Variants in TBCK observed in about 807,000 individuals in gnomAD.
The protein encoded by TBCK is TBC domain-containing protein kinase-like protein.
A neutral mutation model predicts 113.4 loss-of-function variants in TBCK; 99 were observed. The observed-to-expected ratio is 0.87, with a 90% CI of 0.74 to 1.03. TBCK has a LOEUF of 1.03. Among genes scored for constraint, TBCK ranks in the 50% least tolerant of loss-of-function variants. The pLI is 0.00. For missense variants in TBCK, 1,045 were observed against 1,061.3 expected, an observed-to-expected ratio of 0.98 and a Z score of 0.21; for synonymous variants, 369 against 370.8, an observed-to-expected ratio of 1.00 and a Z score of 0.05.
chr4:106,304,005 T>C (rs2125878856), intron 2 of TBCK, among the ~76,000 whole-genome samples: 1 of 152,266 alleles, frequency 6.6e-6, no homozygotes, highest in East Asian at 1.9e-4. Flanking sequence ...TTAATGCACA[T>C]ACACACGGTT....
intron 23 of TBCK, among the ~76,000 whole-genome samples, chr4:106,119,032 T>C (rs1166765655): frequency 1.3e-5 from 2 of 152,158 alleles, no homozygotes; most frequent in African/African-American, 4.8e-5. Context: ...ATGAAGAAAA[T>C]AATTACAATA....
At chr4:106,316,418 G>C (rs1435512679), upstream of TBCK, 8 of 899,076 alleles carry the variant, frequency 8.9e-6, no homozygotes, top group Non-Finnish European at 1.1e-5. Context: ...GGTATGGCAG[G>C]TTAATGGGAC....
intron 3 of TBCK, among the ~76,000 whole-genome samples, chr4:106,287,729 C>A (rs536652827): frequency 6.6e-6 from 1 of 152,300 alleles, no homozygotes; most frequent in East Asian, 1.9e-4. Flanking sequence ...CTCTTGTCAA[C>A]AACTAGCACC....
intron 25 of TBCK, among the ~76,000 whole-genome samples, chr4:106,091,035 G>A (rs1037224314): frequency 6.6e-6 from 1 of 152,004 alleles, no homozygotes; most frequent in African/African-American, 2.4e-5. Context: ...CCCCACTCCT[G>A]GTACCAATTA....
intron 23 of TBCK, among the ~76,000 whole-genome samples, chr4:106,122,430 G>A (rs1277461819): frequency 1.3e-5 from 2 of 152,172 alleles, no homozygotes; most frequent in Non-Finnish European, 2.9e-5. Flanking sequence ...ATTCACAGTT[G>A]AATTCTACCA....
intron 20 of TBCK, among the ~76,000 whole-genome samples, chr4:106,209,603 T>G (rs1313290437): frequency 2.0e-5 from 3 of 152,190 alleles, no homozygotes; most frequent in Admixed American, 1.3e-4. Flanking sequence ...GCCCTCCACA[T>G]CCACATAGTT....
At chr4:106,210,899 T>A (rs1305463648) in intron 20 of TBCK, among the ~76,000 whole-genome samples, 1 of 152,200 alleles carries the variant, frequency 6.6e-6, no homozygotes, top group Non-Finnish European at 1.5e-5. Context: ...TGTGTTTCCT[T>A]TCTTAATATT....
chr4:106,130,612 A>ACG (rs1745779396), intron 23 of TBCK, among the ~76,000 whole-genome samples: 3 of 151,664 alleles, frequency 2.0e-5, no homozygotes, highest in Non-Finnish European at 4.4e-5. Flanking sequence ...ACACACACAC[A>ACG]CACACACACA....
At chr4:106,074,561 C>T (rs1737936985) in intron 25 of TBCK, among the ~76,000 whole-genome samples, 1 of 152,084 alleles carries the variant, frequency 6.6e-6, no homozygotes, top group Non-Finnish European at 1.5e-5. Context: ...ATTAACACAG[C>T]TGGTAAGAAA....
chr4:106,165,633 T>A (rs977644049), intron 23 of TBCK, among the ~76,000 whole-genome samples: 2 of 151,706 alleles, frequency 1.3e-5, no homozygotes, highest in East Asian at 1.9e-4. Context: ...GTAAAAAAAA[T>A]TAACTGTTAA....
At chr4:106,147,805 G>C (rs1014628744) in intron 23 of TBCK, among the ~76,000 whole-genome samples, 2 of 152,186 alleles carry the variant, frequency 1.3e-5, no homozygotes, top group African/African-American at 4.8e-5. Context: ...GCAATGTTTA[G>C]GAAACAAGAG....
intron 20 of TBCK, among the ~76,000 whole-genome samples, chr4:106,198,679 A>G (rs1179407401): frequency 6.6e-6 from 1 of 152,114 alleles, no homozygotes. Flanking sequence ...TATTATAATT[A>G]CCTATCACAA....
At chr4:106,094,075 A>C (rs1440897109) in intron 25 of TBCK, among the ~76,000 whole-genome samples, 2 of 152,188 alleles carry the variant, frequency 1.3e-5, no homozygotes, top group Non-Finnish European at 2.9e-5. Context: ...AAAGACTTAA[A>C]AATTATAGTG....
chr4:106,272,516 G>C (rs1237940000), intron 3 of TBCK, among the ~76,000 whole-genome samples: 2 of 128,122 alleles, frequency 1.6e-5, no homozygotes, highest in African/African-American at 3.0e-5. Flanking sequence ...TTTTGAGACA[G>C]AGTCTTGCTC....
chr4:106,087,767 C>T (rs184108086), intron 25 of TBCK, among the ~76,000 whole-genome samples: 1 of 152,250 alleles, frequency 6.6e-6, no homozygotes, highest in African/African-American at 2.4e-5. Flanking sequence ...ACCAATGGAG[C>T]AGAACAGAGA....
chr4:106,080,211 A>C (rs1293708608), intron 25 of TBCK, among the ~76,000 whole-genome samples: 1 of 152,184 alleles, frequency 6.6e-6, no homozygotes, highest in African/African-American at 2.4e-5. Flanking sequence ...AAAAAAAAAA[A>C]AGTCCAAATC....
intron 3 of TBCK, among the ~76,000 whole-genome samples, chr4:106,274,519 G>A (rs1287543282): frequency 6.6e-6 from 1 of 152,136 alleles, no homozygotes; most frequent in African/African-American, 2.4e-5. Context: ...ACTAATACAT[G>A]CTATAACATG....
At chr4:106,119,050 CAG>C (rs973344758) in intron 23 of TBCK, among the ~76,000 whole-genome samples, 2 of 152,034 alleles carry the variant, frequency 1.3e-5, no homozygotes, top group Non-Finnish European at 2.9e-5. Context: ...ATATTAAAAA[CAG>C]AGAATTTAGT....
intron 3 of TBCK, among the ~76,000 whole-genome samples, chr4:106,274,089 T>C (rs1049132883): frequency 6.6e-6 from 1 of 152,158 alleles, no homozygotes; most frequent in South Asian, 2.1e-4. Context: ...GGCCAGGAAC[T>C]TGGGACAAAG....
Sources: gnomAD v4.1 joint callset for allele counts (sites outside exome capture counted in the v4.1 genomes callset) on GRCh38, gnomAD v4.1.1 for gene constraint, MANE v1.5 for transcripts, NCBI Gene and HGNC (gene_info 2026-07-23, HGNC 2026-07-21) for gene names.